NBAS: variants seen among roughly 807,000 people sequenced by gnomAD.
NBAS encodes NBAS subunit of NRZ tethering complex, also known as NAG/BC035112 fusion.
In NBAS, 219 loss-of-function variants were observed where a neutral mutation model predicts 302.5. That is an observed-to-expected ratio of 0.72 (90% CI 0.65 to 0.81). The LOEUF is 0.81. Among genes scored for constraint, NBAS ranks in the 30% least tolerant of loss-of-function variants. NBAS has a pLI of 0.00. For synonymous variants in NBAS, 1,118 were observed against 1,021.6 expected (o/e 1.09, Z -1.80); for missense variants, 2,932 against 2,841.6 (o/e 1.03, Z -0.72).
chr2:15,161,855 CA>C, the NBAS span, among the ~76,000 whole-genome samples: 4 of 152,164 alleles, frequency 2.6e-5, no homozygotes, highest in Admixed American at 1.3e-4. Context: ...CTTGAAAATT[CA>C]AGTGTCAAAA....
intron 2 of NBAS, among the ~76,000 whole-genome samples, chr2:15,557,284 CAA>C (rs1192608496): frequency 1.3e-5 from 2 of 152,100 alleles, no homozygotes; most frequent in African/African-American, 4.8e-5. Context: ...CTATAAAAAA[CAA>C]TGCTTTCTAT....
intron 11 of NBAS, among the ~76,000 whole-genome samples, chr2:15,500,643 TA>T (rs1015065054): frequency 2.0e-4 from 20 of 97,838 alleles, no homozygotes; most frequent in South Asian, 1.2e-3. Flanking sequence ...TTTTGAAAAA[TA>T]AAAAAAAAAG....
chr2:15,233,381 TA>T (rs1369019199), intron 46 of NBAS, among the ~76,000 whole-genome samples: 1 of 152,196 alleles, frequency 6.6e-6, no homozygotes, highest in Admixed American at 6.5e-5. Context: ...CAAAAATTTA[TA>T]AGTGTAAAAA....
intron 48 of NBAS, among the ~76,000 whole-genome samples, chr2:15,211,063 A>C (rs1447283781): frequency 1.3e-5 from 2 of 152,206 alleles, no homozygotes; most frequent in African/African-American, 4.8e-5. Context: ...ATCTGCTAAC[A>C]CAACAGGATG....
At chr2:15,482,960 TA>T (rs1343696244) in intron 12 of NBAS, among the ~76,000 whole-genome samples, 1 of 152,188 alleles carries the variant, frequency 6.6e-6, no homozygotes, top group Non-Finnish European at 1.5e-5. Flanking sequence ...GAAAACAGCC[TA>T]ATATGCCATC....
chr2:15,179,210 AGC>A, intron 50 of NBAS, 94 bp from the exon 51 acceptor site: 5 of 1,589,662 alleles, frequency 3.1e-6, no homozygotes, highest in Non-Finnish European at 4.3e-6. Flanking sequence ...TTTCTGTGGT[AGC>A]GTGTGTGTGT....
intron 6 of NBAS, among the ~76,000 whole-genome samples, chr2:15,546,332 G>A (rs1440960959): frequency 2.0e-5 from 3 of 151,794 alleles, no homozygotes; most frequent in Admixed American, 6.6e-5. Context: ...TTTTCAATAG[G>A]AAAAAATTAC....
the NBAS span, among the ~76,000 whole-genome samples, chr2:15,012,774 T>C: frequency 3.3e-5 from 5 of 152,070 alleles, no homozygotes; most frequent in Admixed American, 1.3e-4. Context: ...AAAAGAAAAC[T>C]GTCAACCAAG....
At chr2:15,438,921 C>G (rs1572850528) in intron 21 of NBAS, among the ~76,000 whole-genome samples, 1 of 152,146 alleles carries the variant, frequency 6.6e-6, no homozygotes, top group African/African-American at 2.4e-5. Flanking sequence ...AGGAATAGTT[C>G]AAGTTCCAGT....
chr2:15,391,403 T>G, intron 28 of NBAS, among the ~76,000 whole-genome samples: 1 of 148,078 alleles, frequency 6.8e-6, no homozygotes, highest in East Asian at 2.0e-4. Flanking sequence ...TAATGAAAAA[T>G]ATAATGAATG....
intron 31 of NBAS, among the ~76,000 whole-genome samples, chr2:15,369,285 T>C (rs1674370489): frequency 6.6e-6 from 1 of 152,158 alleles, no homozygotes; most frequent in Non-Finnish European, 1.5e-5. Flanking sequence ...TCCTTACTTT[T>C]ACCACTCTTT....
chr2:15,440,004 A>C (rs1678272455), intron 21 of NBAS, among the ~76,000 whole-genome samples: 1 of 152,246 alleles, frequency 6.6e-6, no homozygotes, highest in African/African-American at 2.4e-5. Flanking sequence ...AGCAGGCGGG[A>C]AGCTCGAACT....
intron 33 of NBAS, among the ~76,000 whole-genome samples, chr2:15,355,905 C>T (rs970307421): frequency 5.9e-5 from 9 of 151,316 alleles, no homozygotes; most frequent in Non-Finnish European, 8.8e-5. Flanking sequence ...AGTGTGAGAA[C>T]GAAATAATAC....
intron 21 of NBAS, among the ~76,000 whole-genome samples, chr2:15,442,868 C>T (rs1381945790): frequency 1.3e-5 from 2 of 151,842 alleles, no homozygotes; most frequent in Non-Finnish European, 2.9e-5. Flanking sequence ...GAGAATACTA[C>T]AAACACCTCT....
intron 44 of NBAS, among the ~76,000 whole-genome samples, chr2:15,265,309 T>C (rs1292475916): frequency 6.6e-6 from 1 of 152,206 alleles, no homozygotes; most frequent in Non-Finnish European, 1.5e-5. Context: ...GGATATCTCC[T>C]GCTTGTTGAA....
chr2:14,992,474 C>A, the NBAS span, among the ~76,000 whole-genome samples: 1 of 152,186 alleles, frequency 6.6e-6, no homozygotes, highest in African/African-American at 2.4e-5. Flanking sequence ...ATGGTGCCTC[C>A]ACTCATTCTC....
intron 9 of NBAS, among the ~76,000 whole-genome samples, chr2:15,518,297 A>G (rs1662502337): frequency 6.6e-6 from 1 of 152,152 alleles, no homozygotes; most frequent in Non-Finnish European, 1.5e-5. Context: ...ACTTACTACT[A>G]AAATAATTAT....
the NBAS span, among the ~76,000 whole-genome samples, chr2:15,004,746 C>T: frequency 7.6e-5 from 11 of 144,308 alleles, no homozygotes; most frequent in African/African-American, 2.3e-4. Flanking sequence ...TGAACTCAAG[C>T]GATCCACCCC....
the NBAS span, among the ~76,000 whole-genome samples, chr2:14,972,603 C>T: frequency 6.6e-6 from 1 of 152,122 alleles, no homozygotes; most frequent in Non-Finnish European, 1.5e-5. Flanking sequence ...TGAATTTATT[C>T]TCACAGGCTA....
Sources: gnomAD v4.1 joint callset for allele counts (sites outside exome capture counted in the v4.1 genomes callset) on GRCh38, gnomAD v4.1.1 for gene constraint, MANE v1.5 for transcripts, NCBI Gene and HGNC (gene_info 2026-07-23, HGNC 2026-07-21) for gene names.